RCL1: variants seen among roughly 807,000 people sequenced by gnomAD.
RCL1 encodes RNA 3'-terminal phosphate cyclase-like protein.
RCL1 carries 24 observed loss-of-function variants against 42.4 expected under a neutral mutation model. The observed-to-expected ratio is 0.57, with a 90% CI of 0.41 to 0.80. The LOEUF (loss-of-function observed/expected upper bound fraction) is 0.80, where lower values mean the gene tolerates loss of function less well. Ranked by LOEUF, RCL1 falls within the 30% of genes least tolerant of loss-of-function variation. The probability of loss-of-function intolerance (pLI) is 0.00; values close to 1 mark genes in which losing one functional copy is unlikely to be tolerated. For synonymous variants in RCL1, 228 were observed against 177.3 expected, an observed-to-expected ratio of 1.29 and a Z score of -2.27; for missense variants, 578 against 467.9, an observed-to-expected ratio of 1.24 and a Z score of -2.17.
In RCL1 at chr9:4,851,885, C is replaced by CTTTT. The variant is rs1214271046; in HGVS notation, c.971+2345_971+2348dup. 1.7e-4 allele frequency among the ~76,000 whole-genome samples: 21 copies of CTTTT among 124,450 alleles called. 6 individuals are homozygous for CTTTT. Among genetic ancestry groups the CTTTT allele is most frequent in the Non-Finnish European group, 2.1e-4 (13 of 61,578 alleles). 81.6% of individuals were successfully genotyped at this position (124,450 alleles called of 152,430 possible). Reference sequence around the variant, plus strand: ...AAAGTAAGTCTGTATGTGTGAAACTCTTTTTTTTTTTTTGAGACAGAGTTT... The same window carrying CTTTT: ...AAAGTAAGTCTGTATGTGTGAAACTCTTTTTTTTTTTTTTTTTGAGACAGAGTTT... On this transcript the variant is annotated intron_variant, in intron 8 of 8. Coordinates refer to ENST00000381750, the MANE Select transcript of RCL1 (RefSeq NM_005772.5).
chr9:4,813,480 A>G (rs1418532735), intron 1 of RCL1, among the ~76,000 whole-genome samples: 2 of 152,236 alleles, frequency 1.3e-5, no homozygotes, highest in African/African-American at 4.8e-5. Flanking sequence ...AATCAAAACC[A>G]CAGTGAGATA....
intron 1 of RCL1, among the ~76,000 whole-genome samples, chr9:4,806,064 T>TG (rs1219639380): frequency 0.024 from 3,396 of 139,106 alleles, 85 homozygotes; most frequent in African/African-American, 0.063. Context: ...GTGTGTGTGT[T>TG]TGTGTGTGTA....
chr9:4,857,707 G>A (rs1818010016), intron 8 of RCL1, among the ~76,000 whole-genome samples: 1 of 152,176 alleles, frequency 6.6e-6, no homozygotes, highest in South Asian at 2.1e-4. Flanking sequence ...CACAGCGGCT[G>A]TACCGTTTTA....
chr9:4,794,551 C>G (rs1282291541), intron 1 of RCL1, among the ~76,000 whole-genome samples: 1 of 152,160 alleles, frequency 6.6e-6, no homozygotes, highest in Non-Finnish European at 1.5e-5. Context: ...GCTCTCCATC[C>G]ACTTTACCCT....
In RCL1 at chr9:4,811,896, T is replaced by C. The variant is rs565355691; in HGVS notation, c.137-11652T>C. Reference sequence around the variant, plus strand: ...TCTTTTTAATAATTGCCATTCTAACTGGGGTGAGATGATATCTCATTGGGG... The same window carrying C: ...TCTTTTTAATAATTGCCATTCTAACCGGGGTGAGATGATATCTCATTGGGG... On this transcript the variant is annotated intron_variant, in intron 1 of 8. Transcript: ENST00000381750. Among the ~76,000 whole-genome samples, 23 of 152,336 alleles carry C rather than the reference T, an allele frequency of 1.5e-4. No homozygotes were observed. The South Asian group carries it at 4.8e-3, about 32-fold the overall frequency.
rs71326141 is a variant in RCL1 at position 4,824,374 on chromosome 9, ATTTT to A, written c.208+773_208+776del. 6.2e-3 allele frequency among the ~76,000 whole-genome samples: 748 copies of A among 120,274 alleles called. 4 individuals carry two copies. The highest frequency in any genetic ancestry group is 0.021 in the African/African-American group (687 of 32,532). 78.9% of individuals were successfully genotyped at this position (120,274 alleles called of 152,430 possible). ...CTCTTCATATTGTTCTTCAGCCAGC[ATTTT>A]TTTTTTTTTTTTTTTTTGCTAGTAC... On this transcript the variant is annotated intron_variant, in intron 2 of 8. Transcript: ENST00000381750.
At chr9:4,811,631 T>C (rs955261759) in intron 1 of RCL1, among the ~76,000 whole-genome samples, 9 of 152,244 alleles carry the variant, frequency 5.9e-5, no homozygotes, top group African/African-American at 2.2e-4. Context: ...TATTCCGTTA[T>C]GTATGTGTTT....
chr9:4,840,347 A>G (rs1036809586), intron 5 of RCL1, among the ~76,000 whole-genome samples: 5 of 152,152 alleles, frequency 3.3e-5, no homozygotes, highest in African/African-American at 1.2e-4. Flanking sequence ...CCATTTTTTT[A>G]GTTCCAAATA....
intron 7 of RCL1, among the ~76,000 whole-genome samples, chr9:4,847,036 C>T (rs755741164): frequency 5.9e-5 from 9 of 151,968 alleles, no homozygotes; most frequent in Admixed American, 2.6e-4. Flanking sequence ...TGTGCCACCA[C>T]GCCTGGCTAA....
chr9:4,802,581 C>A (rs1843022559), intron 1 of RCL1, among the ~76,000 whole-genome samples: 1 of 152,076 alleles, frequency 6.6e-6, no homozygotes, highest in African/African-American at 2.4e-5. Context: ...GAGAAATGTT[C>A]ATTTGTTCAC....
intron 1 of RCL1, among the ~76,000 whole-genome samples, chr9:4,799,846 C>T (rs1353006394): frequency 6.6e-6 from 1 of 152,164 alleles, no homozygotes. Flanking sequence ...ATTTCTCAGA[C>T]TCTGACTCTG....
Position 4,841,237 on chromosome 9 carries a change from C to A in RCL1, c.590C>A (p.Ser197Tyr). 6.2e-7 allele frequency: 1 copy of A among 1,614,038 alleles called. No individual in the cohort carries two copies. Among genetic ancestry groups the A allele is most frequent in the Non-Finnish European group, 8.5e-7 (1 of 1,179,944 alleles). Reference sequence around the variant, plus strand: ...TCCTTAACTCCAGGCTGCAGGTACTCTGTACGTGTGTCACCTCAGATGGCG... The same window carrying A: ...TCCTTAACTCCAGGCTGCAGGTACTATGTACGTGTGTCACCTCAGATGGCG... ...KIKRIRGMAY[S>Y]VRVSPQMANR... is the part of the protein sequence containing the mutation. Residue 197 changes from serine to tyrosine, a missense_variant, in exon 6 of 9, where the codon TCT (serine) becomes TAT (tyrosine). By Grantham distance (144) the Ser-to-Tyr change is moderately radical. Coordinates refer to ENST00000381750, the MANE Select transcript of RCL1 (RefSeq NM_005772.5).
At chr9:4,808,155 A>G (rs893975475) in intron 1 of RCL1, among the ~76,000 whole-genome samples, 1 of 152,032 alleles carries the variant, frequency 6.6e-6, no homozygotes. Context: ...GTCGCTGACA[A>G]TAATTGTGGA....
intron 8 of RCL1, among the ~76,000 whole-genome samples, chr9:4,857,292 C>G (rs1251857874): frequency 2.0e-5 from 3 of 152,196 alleles, no homozygotes; most frequent in Non-Finnish European, 2.9e-5. Context: ...AACCACGAAT[C>G]TCCTTTCTGC....
intron 4 of RCL1, among the ~76,000 whole-genome samples, chr9:4,833,733 T>C (rs1223715731): frequency 2.0e-5 from 3 of 152,254 alleles, no homozygotes; most frequent in Non-Finnish European, 4.4e-5. Context: ...CCTTTTACAT[T>C]CATGTTTTAA....
At chr9:4,793,303 G>T (rs1278022506) in intron 1 of RCL1, 76 bp downstream of exon 1, 2 of 1,488,982 alleles carry the variant, frequency 1.3e-6, no homozygotes, top group African/African-American at 1.5e-5. Flanking sequence ...GGGGGCCCGC[G>T]CGGTGTTGGT....
intron 1 of RCL1, among the ~76,000 whole-genome samples, chr9:4,822,505 C>T (rs913338407): frequency 7.2e-5 from 11 of 152,180 alleles, no homozygotes; most frequent in African/African-American, 2.7e-4. Context: ...CTCTCCCCCT[C>T]TCTTTCTCTT....
At position 4,849,549 on chromosome 9, in the gene RCL1, A is replaced by G; in HGVS notation, c.970A>G (p.Thr324Ala). The change falls in exon 8 of 9, where the codon ACG becomes GCG. Residue 324 changes from threonine (T) to alanine (A), a missense_variant and splice_region_variant. Thr to Ala is a moderately conservative substitution (Grantham distance 58). Transcript: ENST00000381750. ...KVLLGPLSPY[T>A]IEFLRHLKSF... ...CCTGCTAGGCCCTCTCTCTCCCTAC[A>G]CGTAAGTTATTCTTTTTCAACCTCG... is the stretch of plus-strand genomic sequence containing the variant. 1 of 1,604,710 alleles carries G rather than the reference A, an allele frequency of 6.2e-7. No homozygotes were observed. Among genetic ancestry groups the G allele is most frequent in the Non-Finnish European group, 8.5e-7 (1 of 1,171,642 alleles).
At chr9:4,797,257 C>T (rs889739835) in intron 1 of RCL1, among the ~76,000 whole-genome samples, 5 of 152,166 alleles carry the variant, frequency 3.3e-5, no homozygotes, top group African/African-American at 9.7e-5. Context: ...GTGCCTGGCA[C>T]ATAGGAAGAA....
Sources: allele counts gnomAD v4.1 joint callset (sites outside exome capture counted in the v4.1 genomes callset), GRCh38; gene constraint gnomAD v4.1.1; transcripts MANE v1.5; gene names NCBI Gene and HGNC (gene_info 2026-07-23, HGNC 2026-07-21).